IPO11: variants seen among roughly 807,000 people sequenced by gnomAD.
The protein encoded by IPO11 is importin 11.
In IPO11, 66 loss-of-function variants were observed where a neutral mutation model predicts 143.2. That is an observed-to-expected ratio of 0.46 (90% CI 0.38 to 0.57). IPO11 has a LOEUF of 0.57. Ranked by LOEUF, IPO11 falls within the 20% of genes least tolerant of loss-of-function variation. The pLI, the probability that IPO11 is intolerant of heterozygous loss-of-function variation, is 0.00. For synonymous variants in IPO11, 385 were observed against 377.8 expected, an observed-to-expected ratio of 1.02 and a Z score of -0.22; for missense variants, 1,026 against 1,141.0, an observed-to-expected ratio of 0.90 and a Z score of 1.45.
At position 62,571,126 on chromosome 5, in the gene IPO11, T is replaced by C. The variant is rs562527658; in HGVS notation, c.2582+9869T>C. On this transcript the variant is annotated intron_variant, in intron 27 of 29. Coordinates refer to ENST00000325324, the MANE Select transcript of IPO11 (RefSeq NM_016338.5). ...TGATGCATGTGTATGTCACAAGTGG[T>C]TCCTTCATAGCTCGAGGAACATCTT... Among the ~76,000 whole-genome samples the C allele has an allele frequency of 2.2e-4, 34 of 152,326 alleles. 1 individual carries two copies. The South Asian group carries it at 6.6e-3, about 30-fold the overall frequency.
intron 29 of IPO11, among the ~76,000 whole-genome samples, chr5:62,621,867 T>TCCACTGTC: frequency 6.6e-6 from 1 of 150,858 alleles, no homozygotes; most frequent in Non-Finnish European, 1.5e-5. Flanking sequence ...AGTGGAGGAG[T>TCCACTGTC]CAAACAATGA....
intron 12 of IPO11, among the ~76,000 whole-genome samples, chr5:62,487,257 A>G (rs1561331167): frequency 6.6e-6 from 1 of 152,112 alleles, no homozygotes; most frequent in Non-Finnish European, 1.5e-5. Context: ...TGCTTATTAT[A>G]TCATTGCTAA....
At chr5:62,542,671 G>GGAGCAAATGGTGTA (rs1743002309) in intron 24 of IPO11, among the ~76,000 whole-genome samples, 1 of 152,132 alleles carries the variant, frequency 6.6e-6, no homozygotes, top group Non-Finnish European at 1.5e-5. Context: ...GCCTGCTTTT[G>GGAGCAAATGGTGTA]GAGCAAATGG....
chr5:62,487,424 A>G (rs189042249), intron 12 of IPO11, among the ~76,000 whole-genome samples: 1 of 152,290 alleles, frequency 6.6e-6, no homozygotes, highest in Admixed American at 6.5e-5. Flanking sequence ...GTAGTCAGCC[A>G]TTTATAGTAC....
At chr5:62,611,585 A>G (rs1419309484) in intron 29 of IPO11, among the ~76,000 whole-genome samples, 4 of 152,172 alleles carry the variant, frequency 2.6e-5, no homozygotes, top group Non-Finnish European at 5.9e-5. Context: ...TGCATAGCAG[A>G]CGGCCTCACT....
At position 62,594,889 on chromosome 5, in the gene IPO11, C is replaced by G. The variant is rs114290829; in HGVS notation, c.2678+3217C>G. On this transcript the variant is annotated intron_variant, in intron 28 of 29. Coordinates refer to ENST00000325324, the MANE Select transcript of IPO11 (RefSeq NM_016338.5). Reference sequence around the variant, plus strand: ...CTTAAGGATATGTAGTGGATTGGAGCCAACTAGTTAAGTAACCTTTGTGAA... The same window carrying G: ...CTTAAGGATATGTAGTGGATTGGAGGCAACTAGTTAAGTAACCTTTGTGAA... 4.7e-3 allele frequency among the ~76,000 whole-genome samples: 718 copies of G among 152,174 alleles called. 7 individuals are homozygous for G. The highest frequency in any genetic ancestry group is 0.017 in the African/African-American group (694 of 41,514).
intron 26 of IPO11, among the ~76,000 whole-genome samples, chr5:62,558,713 T>C (rs886803948): frequency 2.4e-4 from 36 of 152,210 alleles, no homozygotes; most frequent in African/African-American, 8.4e-4. Context: ...TCGGCATTTT[T>C]TCAATACCAT....
chr5:62,559,292 G>C lies in IPO11; in HGVS notation c.2461-1844G>C, dbSNP rs78929997. On this transcript the variant is annotated intron_variant, in intron 26 of 29. Coordinates refer to ENST00000325324, the MANE Select transcript of IPO11 (RefSeq NM_016338.5). ...AGACTGAATGGTCCTCAGAGAGCAA[G>C]AAAAGGAAAAATAAAAGAGGATTGA... is the stretch of plus-strand genomic sequence containing the variant. Among the ~76,000 whole-genome samples the C allele has an allele frequency of 6.5e-3, 996 of 152,176 alleles. 18 individuals are homozygous for C. The highest frequency in any genetic ancestry group is 0.023 in the African/African-American group (952 of 41,514).
intron 6 of IPO11, 67 bp downstream of exon 6, chr5:62,467,330 T>C: frequency 6.8e-7 from 1 of 1,464,656 alleles, no homozygotes; most frequent in Non-Finnish European, 9.2e-7. Flanking sequence ...AAATAGTTCC[T>C]TTAGACGGGT....
chr5:62,584,919 G>A (rs1045821991), intron 27 of IPO11, among the ~76,000 whole-genome samples: 9 of 152,250 alleles, frequency 5.9e-5, no homozygotes, highest in Middle Eastern at 3.4e-3. Context: ...TGGCCCAGAT[G>A]TGCCTTGTTT....
intron 23 of IPO11, 64 bp from the exon 24 acceptor site, chr5:62,537,145 A>G (rs1270069022): frequency 2.1e-6 from 2 of 958,758 alleles, no homozygotes; most frequent in East Asian, 4.8e-5. Context: ...CCCAAATGAA[A>G]TTTTATGCCT....
At chr5:62,626,842 G>C (rs1446790644) in intron 29 of IPO11, among the ~76,000 whole-genome samples, 1 of 152,100 alleles carries the variant, frequency 6.6e-6, no homozygotes, top group Non-Finnish European at 1.5e-5. Flanking sequence ...ATGTTCTTCA[G>C]CATGTTCTGT....
intron 28 of IPO11, among the ~76,000 whole-genome samples, chr5:62,599,233 G>T (rs770349895): frequency 8.5e-5 from 13 of 152,214 alleles, no homozygotes; most frequent in Non-Finnish European, 1.8e-4. Flanking sequence ...AAAATGACTG[G>T]AATACTTGGC....
At chr5:62,594,347 A>G (rs1309955555) in intron 28 of IPO11, among the ~76,000 whole-genome samples, 3 of 152,218 alleles carry the variant, frequency 2.0e-5, no homozygotes, top group Non-Finnish European at 4.4e-5. Context: ...GGAAATCACC[A>G]GTGGACCTCC....
intron 1 of IPO11, among the ~76,000 whole-genome samples, chr5:62,425,564 C>T (rs571661070): frequency 1.9e-3 from 296 of 152,086 alleles, no homozygotes; most frequent in Non-Finnish European, 2.7e-3. Context: ...GTGATCCACC[C>T]GCCCCGGCCT....
chr5:62,509,403 C>T (rs909442300), intron 19 of IPO11, among the ~76,000 whole-genome samples: 23 of 152,180 alleles, frequency 1.5e-4, no homozygotes, highest in African/African-American at 5.5e-4. Context: ...TTCATGTTTT[C>T]AGTGATATGA....
intron 29 of IPO11, among the ~76,000 whole-genome samples, chr5:62,610,218 A>G (rs1030356889): frequency 3.7e-4 from 56 of 152,292 alleles, no homozygotes; most frequent in African/African-American, 1.2e-3. Flanking sequence ...AGAGGTACTC[A>G]TATTTGTTAC....
chr5:62,574,752 C>G (rs1438509587), intron 27 of IPO11, among the ~76,000 whole-genome samples: 1 of 152,088 alleles, frequency 6.6e-6, no homozygotes, highest in African/African-American at 2.4e-5. Context: ...ATAAAATATG[C>G]TTCTCAGAAT....
intron 8 of IPO11, among the ~76,000 whole-genome samples, chr5:62,475,313 G>A (rs928315127): frequency 8.5e-5 from 13 of 152,150 alleles, no homozygotes; most frequent in Non-Finnish European, 1.8e-4. Flanking sequence ...TTGAGCCCAG[G>A]AGTTGGAGAC....
Sources: allele counts gnomAD v4.1 joint callset (sites outside exome capture counted in the v4.1 genomes callset), GRCh38; gene constraint gnomAD v4.1.1; transcripts MANE v1.5; gene names NCBI Gene and HGNC (gene_info 2026-07-23, HGNC 2026-07-21).